IST1: variants seen among roughly 807,000 people sequenced by gnomAD.
The protein encoded by IST1 is IST1 factor associated with ESCRT-III.
Under a neutral mutation model 37.0 loss-of-function variants are expected in IST1, and 23 were observed. That is an observed-to-expected ratio of 0.62 (90% CI 0.45 to 0.88). IST1 has a LOEUF of 0.88. IST1 is among the 40% of genes least tolerant of loss of function. IST1 has a pLI of 0.00. For missense variants in IST1, 488 were observed against 445.4 expected, an observed-to-expected ratio of 1.10 and a Z score of -0.86; for synonymous variants, 180 against 161.7, an observed-to-expected ratio of 1.11 and a Z score of -0.86.
At chr16:71,923,785 G>C (rs1042649272) in intron 8 of IST1, among the ~76,000 whole-genome samples, 2 of 150,106 alleles carry the variant, frequency 1.3e-5, no homozygotes, top group African/African-American at 2.5e-5. Context: ...AGAGTGACCA[G>C]ATTGATCTTA....
At chr16:71,904,001 TCTTCCTGGTGA>T (rs1324335947) in intron 1 of IST1, among the ~76,000 whole-genome samples, 1 of 152,208 alleles carries the variant, frequency 6.6e-6, no homozygotes, top group Non-Finnish European at 1.5e-5. Flanking sequence ...GATTGTTGTA[TCTTCCTGGTGA>T]CTTCACCCTT....
At chr16:71,906,573 C>T (rs1312872171) in intron 1 of IST1, among the ~76,000 whole-genome samples, 4 of 152,000 alleles carry the variant, frequency 2.6e-5, no homozygotes, top group African/African-American at 9.7e-5. Flanking sequence ...GACTTGGCCT[C>T]CCAAAGTGCT....
chr16:71,930,192 A>C lies in IST1; in HGVS notation c.*2379A>C, dbSNP rs768067025. ...GGGTCTAAAGCGAAAACCTGGGAAAACAATAAGAACACTTGCAGTGACTGA... is the reference window on the plus strand; with the variant it reads ...GGGTCTAAAGCGAAAACCTGGGAAACCAATAAGAACACTTGCAGTGACTGA... On this transcript the variant is annotated 3_prime_UTR_variant, in exon 10 of 10. Transcript: ENST00000378799. 4 of 1,538,456 alleles carry C rather than the reference A, an allele frequency of 2.6e-6. No homozygotes were observed. In the African/African-American group the frequency reaches 5.5e-5, roughly 21 times the overall value.
In IST1 at chr16:71,931,017, A is replaced by ACAG. The variant is rs1258360339; in HGVS notation, c.*3204_*3205insCAG. The ACAG allele has an allele frequency of 6.6e-6, 1 of 152,218 alleles. No individual in the cohort carries two copies. The highest frequency in any genetic ancestry group is 1.5e-5 in the Non-Finnish European group (1 of 68,034). 9.4% of individuals were successfully genotyped at this position (152,218 alleles called of 1,614,324 possible). A position where few individuals can be genotyped will look rare whatever the true frequency, so the allele number is the denominator to read the frequency against. On this transcript the variant is annotated 3_prime_UTR_variant, in exon 10 of 10. Transcript: ENST00000378799. Reference sequence around the variant, plus strand: ...AACCAGATAATGTGGGCAATCTCTGAGTTTGTGATACAAGACTTATTTCCA... The same window carrying ACAG: ...AACCAGATAATGTGGGCAATCTCTGACAGGTTTGTGATACAAGACTTATTTCCA...
intron 1 of IST1, among the ~76,000 whole-genome samples, chr16:71,905,570 G>T (rs1190185266): frequency 6.6e-6 from 1 of 151,746 alleles, no homozygotes; most frequent in Non-Finnish European, 1.5e-5. Flanking sequence ...AGTAGAGACG[G>T]GGTTTCACCA....
intron 1 of IST1, among the ~76,000 whole-genome samples, chr16:71,897,683 C>T (rs776930310): frequency 6.6e-6 from 1 of 152,170 alleles, no homozygotes; most frequent in African/African-American, 2.4e-5. Flanking sequence ...CGGTGGCTCA[C>T]GCCTGTAATC....
In IST1 at chr16:71,924,596, A is replaced by G. The variant is rs1597257707; in HGVS notation, c.853-173A>G. ...ACAGGAGACCCTGTCTCAAAATCAA[A>G]GGAGTTCAACATAGTATCTACCTGA... is the stretch of plus-strand genomic sequence containing the variant. On this transcript the variant is annotated intron_variant, in intron 8 of 9. Transcript: ENST00000378799. 57 of 617,188 alleles carry G rather than the reference A, an allele frequency of 9.2e-5. No homozygotes were observed. The South Asian group carries it at 1.0e-3, about 11-fold the overall frequency. 38.2% of individuals were successfully genotyped at this position (617,188 alleles called of 1,614,324 possible).
chr16:71,929,829 C>T lies in IST1; in HGVS notation c.*2016C>T. On this transcript the variant is annotated 3_prime_UTR_variant, in exon 10 of 10. Transcript: ENST00000378799. ...GCAGTCAGGCATTGGAGTGTTTCCA[C>T]TAATGGTTGCGAGCCAACTATTTAT... The T allele has an allele frequency of 1.0e-6, 1 of 962,104 alleles. No homozygotes were observed. Among genetic ancestry groups the T allele is most frequent in the Non-Finnish European group, 1.5e-6 (1 of 664,146 alleles). 59.6% of individuals were successfully genotyped at this position (962,104 alleles called of 1,614,324 possible).
chr16:71,899,779 T>C (rs896420190), intron 1 of IST1, among the ~76,000 whole-genome samples: 4 of 152,064 alleles, frequency 2.6e-5, no homozygotes, highest in African/African-American at 9.7e-5. Context: ...ATCCCAGCAC[T>C]TCGGGAGGCC....
rs2037865629 is a variant in IST1 at position 71,929,856 on chromosome 16, G to A, written c.*2043G>A. 1.0e-6 allele frequency: 1 copy of A among 956,524 alleles called. No homozygotes were observed. Among genetic ancestry groups the A allele is most frequent in the African/African-American group, 1.7e-5 (1 of 60,098 alleles). 59.3% of individuals were successfully genotyped at this position (956,524 alleles called of 1,614,324 possible). On this transcript the variant is annotated 3_prime_UTR_variant, in exon 10 of 10. Coordinates refer to ENST00000378799, the MANE Select transcript of IST1 (RefSeq NM_001270975.2). ...AATGGTTGCGAGCCAACTATTTATA[G>A]GACAATGGCTATAGAATATTATGTA...
At chr16:71,925,776 C>T (rs557303487) in intron 9 of IST1, among the ~76,000 whole-genome samples, 11 of 151,976 alleles carry the variant, frequency 7.2e-5, no homozygotes, top group Admixed American at 4.6e-4. Flanking sequence ...TGGGCAAGAT[C>T]CTTGTTTCCA....
In IST1 at chr16:71,927,799, A is replaced by C. The variant is rs766773601; in HGVS notation, c.1087A>C (p.Lys363Gln). The C allele has an allele frequency of 1.2e-6, 2 of 1,613,754 alleles. No individual in the cohort carries two copies. Among genetic ancestry groups the C allele is most frequent in the South Asian group, 2.2e-5 (2 of 91,070 alleles). ...TCTTTCCCGGAGGTTTGAAGAGCTG[A>C]AAAAGAAAACATAGGTCTCTTAAAC... Reference protein sequence around the residue: ...DDLSRRFEELKKKT With the variant: ...DDLSRRFEELQKKT The change falls in exon 10 of 10, where the codon AAA (lysine) becomes CAA (glutamine). Residue 363 changes from lysine (K) to glutamine (Q), a missense_variant. Physicochemically the swap from Lys to Gln is moderately conservative, Grantham distance 53. Coordinates refer to ENST00000378799, the MANE Select transcript of IST1 (RefSeq NM_001270975.2).
At chr16:71,924,135 T>A (rs771496686) in intron 8 of IST1, 2 of 456,052 alleles carry the variant, frequency 4.4e-6, no homozygotes, top group South Asian at 3.1e-5. Flanking sequence ...ATGCTTTGGT[T>A]TTGCATGCGT....
chr16:71,920,704 T>C (rs776885630), intron 4 of IST1, 35 bp from the exon 5 acceptor site: 7 of 1,461,098 alleles, frequency 4.8e-6, no homozygotes, highest in Middle Eastern at 3.4e-4. Flanking sequence ...GTTGGAGTGG[T>C]CTCTATTTTT....
chr16:71,905,946 C>T (rs2037213892), intron 1 of IST1, among the ~76,000 whole-genome samples: 1 of 151,278 alleles, frequency 6.6e-6, no homozygotes, highest in African/African-American at 2.4e-5. Flanking sequence ...TTATAATGTT[C>T]TGGGTTTCCT....
intron 4 of IST1, among the ~76,000 whole-genome samples, chr16:71,920,255 A>AT: frequency 6.6e-6 from 1 of 152,262 alleles, no homozygotes; most frequent in Non-Finnish European, 1.5e-5. Context: ...TCTAGCACAG[A>AT]TATCTTGGTT....
chr16:71,908,241 C>T (rs1394688508), intron 1 of IST1, among the ~76,000 whole-genome samples: 3 of 150,414 alleles, frequency 2.0e-5, no homozygotes, highest in African/African-American at 4.9e-5. Context: ...TGCGCCTGGC[C>T]TGTCTTTACT....
chr16:71,910,293 C>T (rs759775780), intron 1 of IST1, among the ~76,000 whole-genome samples: 27 of 152,022 alleles, frequency 1.8e-4, no homozygotes, highest in Non-Finnish European at 2.4e-4. Flanking sequence ...TCACTTAGCC[C>T]TCTTGGATAT....
At position 71,923,268 on chromosome 16, in the gene IST1, T is replaced by C. The variant is rs777772723; in HGVS notation, c.760-20T>C. On this transcript the variant is annotated intron_variant, in intron 7 of 9. Transcript: ENST00000378799. Reference sequence around the variant, plus strand: ...CAAACTGGAGGCAGTGTCTCTGATGTTGCCTTTCTCCTCTTACAGTCAGAT... The same window carrying C: ...CAAACTGGAGGCAGTGTCTCTGATGCTGCCTTTCTCCTCTTACAGTCAGAT... The C allele has an allele frequency of 6.6e-7, 1 of 1,510,146 alleles. No homozygotes were observed. Among genetic ancestry groups the C allele is most frequent in the Non-Finnish European group, 9.2e-7 (1 of 1,088,292 alleles). 93.5% of individuals were successfully genotyped at this position (1,510,146 alleles called of 1,614,324 possible).
Sources: allele counts gnomAD v4.1 joint callset (sites outside exome capture counted in the v4.1 genomes callset), GRCh38; gene constraint gnomAD v4.1.1; transcripts MANE v1.5; gene names NCBI Gene and HGNC (gene_info 2026-07-23, HGNC 2026-07-21).